Variants in CDH4 observed in about 807,000 individuals in gnomAD.
The protein encoded by CDH4 is cadherin 4.
CDH4 carries 33 observed loss-of-function variants against 86.0 expected under a neutral mutation model. The observed-to-expected ratio is 0.38, with a 90% CI of 0.29 to 0.51. The LOEUF (loss-of-function observed/expected upper bound fraction) is 0.51. Ranked by LOEUF, CDH4 falls within the 20% of genes least tolerant of loss-of-function variation. The pLI, the probability that CDH4 is intolerant of heterozygous loss-of-function variation, is 0.86. For missense variants in CDH4, 1,114 were observed against 1,307.4 expected (o/e 0.85, Z 2.28); for synonymous variants, 555 against 549.4 (o/e 1.01, Z -0.14).
intron 2 of CDH4, among the ~76,000 whole-genome samples, chr20:61,294,968 A>G (rs1305387801): frequency 6.6e-6 from 1 of 152,190 alleles, no homozygotes; most frequent in East Asian, 1.9e-4. Flanking sequence ...ACGGCTGTGG[A>G]GCTGTTGAGG....
At chr20:61,424,205 C>G (rs2085197876) in intron 2 of CDH4, among the ~76,000 whole-genome samples, 2 of 142,906 alleles carry the variant, frequency 1.4e-5, no homozygotes, top group South Asian at 4.4e-4. Flanking sequence ...CCACACGCAT[C>G]CACACACAGC....
intron 2 of CDH4, among the ~76,000 whole-genome samples, chr20:61,397,591 A>G (rs2085025418): frequency 6.6e-6 from 1 of 152,090 alleles, no homozygotes; most frequent in Non-Finnish European, 1.5e-5. Flanking sequence ...CTTTTTGTAA[A>G]TCCTGTCATT....
intron 4 of CDH4, among the ~76,000 whole-genome samples, chr20:61,785,199 C>T (rs1471124726): frequency 6.6e-6 from 1 of 152,176 alleles, no homozygotes; most frequent in Non-Finnish European, 1.5e-5. Flanking sequence ...CACACGCAGC[C>T]CTGGCCCACT....
At chr20:61,790,166 A>C (rs943812533) in intron 4 of CDH4, among the ~76,000 whole-genome samples, 3 of 150,952 alleles carry the variant, frequency 2.0e-5, no homozygotes, top group Non-Finnish European at 4.4e-5. Context: ...CCATCTACCC[A>C]TCCGTCATCC....
chr20:61,500,199 C>T (rs529773524), intron 2 of CDH4, among the ~76,000 whole-genome samples: 1 of 152,206 alleles, frequency 6.6e-6, no homozygotes, highest in Admixed American at 6.5e-5. Context: ...TTGTGTTTGT[C>T]AAATAATGGA....
At chr20:61,366,929 C>T (rs928571655) in intron 2 of CDH4, among the ~76,000 whole-genome samples, 4 of 152,176 alleles carry the variant, frequency 2.6e-5, no homozygotes, top group South Asian at 4.1e-4. Context: ...AGCATATTAA[C>T]GGGGTCATAG....
At chr20:61,492,615 ATGCTT>A (rs1483679470) in intron 2 of CDH4, among the ~76,000 whole-genome samples, 2 of 152,126 alleles carry the variant, frequency 1.3e-5, no homozygotes, top group Non-Finnish European at 2.9e-5. Flanking sequence ...AGATGGTGGC[ATGCTT>A]TGTGTCAGGC....
rs185457413 is a variant in CDH4 at position 61,674,788 on chromosome 20, C to T, written c.170-68775C>T. Among the ~76,000 whole-genome samples the T allele has an allele frequency of 1.4e-4, 22 of 152,316 alleles. No homozygotes were observed. In the East Asian group the frequency reaches 4.2e-3, roughly 29 times the overall value. ...GTGTATTTCATGCTGATTGACTGCT[C>T]AGCCCAGTTAGAACCAGCACAGCCC... On this transcript the variant is annotated intron_variant, in intron 2 of 15. Coordinates refer to ENST00000614565, the MANE Select transcript of CDH4 (RefSeq NM_001794.5).
At chr20:61,772,757 C>A (rs1022650320) in intron 3 of CDH4, among the ~76,000 whole-genome samples, 5 of 152,040 alleles carry the variant, frequency 3.3e-5, no homozygotes, top group African/African-American at 1.2e-4. Flanking sequence ...TTTATGGTTT[C>A]TTTTTCCCGC....
intron 4 of CDH4, among the ~76,000 whole-genome samples, chr20:61,781,937 A>C (rs1373599292): frequency 6.6e-6 from 1 of 152,248 alleles, no homozygotes; most frequent in East Asian, 1.9e-4. Context: ...GGCACACGCC[A>C]ACAGAACAAC....
At position 61,902,760 on chromosome 20, in the gene CDH4, T is replaced by C. The variant is rs1289435063; in HGVS notation, c.1189-7662T>C. Among the ~76,000 whole-genome samples, 4 of 151,990 alleles carry C rather than the reference T, an allele frequency of 2.6e-5. No individual in the cohort carries two copies. Among genetic ancestry groups the C allele is most frequent in the African/African-American group, 4.8e-5 (2 of 41,410 alleles). On this transcript the variant is annotated intron_variant, in intron 8 of 15. Transcript: ENST00000614565. The surrounding 1 kb of genome is among the most constrained non-coding windows in gnomAD (Gnocchi z 4.6). ...CTATAGCAAAGAGGCTACATAGGTGTCGTTTTGGGAATATTTGAAGGAGGA... is the reference window on the plus strand; with the variant it reads ...CTATAGCAAAGAGGCTACATAGGTGCCGTTTTGGGAATATTTGAAGGAGGA...
rs537346211 is a variant in CDH4 at position 61,322,977 on chromosome 20, C to A, written c.169+68040C>A. ...CAGATAGGAACACTGAGCTCTAGAA[C>A]ATTCAAGGATCCTCCCTGTCATTTC... On this transcript the variant is annotated intron_variant, in intron 2 of 15. Coordinates refer to ENST00000614565, the MANE Select transcript of CDH4 (RefSeq NM_001794.5). 5.3e-5 allele frequency among the ~76,000 whole-genome samples: 8 copies of A among 152,314 alleles called. No individual in the cohort carries two copies. In the East Asian group the frequency reaches 1.5e-3, roughly 29 times the overall value.
At chr20:61,299,900 G>A (rs527519894) in intron 2 of CDH4, among the ~76,000 whole-genome samples, 2 of 152,316 alleles carry the variant, frequency 1.3e-5, no homozygotes, top group South Asian at 4.1e-4. Flanking sequence ...GGGGCATGAC[G>A]CTTACAGGAG....
intron 2 of CDH4, among the ~76,000 whole-genome samples, chr20:61,401,860 G>A (rs6121763): frequency 0.086 from 13,129 of 152,228 alleles, 1,860 homozygotes; most frequent in African/African-American, 0.3. Context: ...GCCCATGAAA[G>A]AAGGAGAAGG....
In CDH4 at chr20:61,844,695, C is replaced by A; in HGVS notation, c.604C>A (p.Pro202Thr). 4 of 1,613,272 alleles carry A rather than the reference C, an allele frequency of 2.5e-6. No individual in the cohort carries two copies. The highest frequency in any genetic ancestry group is 2.5e-6 in the Non-Finnish European group (3 of 1,179,394). ...CCGGTCCGACAAAGACAATGACATC[C>A]CCATCCGGTACAGCATCACGGGAGT... is the stretch of plus-strand genomic sequence containing the variant. ...RIRSDKDNDI[P>T]IRYSITGVGA... The change falls in exon 5 of 16, where the codon CCC (proline) becomes ACC (threonine). Residue 202 changes from proline to threonine, a missense_variant. Pro to Thr is a conservative substitution (Grantham distance 38). This residue lies in a region of CDH4 where 705 missense variants were observed against 914.1 expected (regional missense o/e 0.77). Coordinates refer to ENST00000614565, the MANE Select transcript of CDH4 (RefSeq NM_001794.5).
intron 3 of CDH4, among the ~76,000 whole-genome samples, chr20:61,749,423 G>A (rs2145951835): frequency 6.6e-6 from 1 of 152,302 alleles, no homozygotes; most frequent in Middle Eastern, 3.4e-3. Context: ...TGATTTTTAA[G>A]TATAGACAGA....
intron 2 of CDH4, among the ~76,000 whole-genome samples, chr20:61,279,525 C>T (rs1349627004): frequency 6.6e-6 from 1 of 152,032 alleles, no homozygotes; most frequent in East Asian, 1.9e-4. Flanking sequence ...CCCACAGTCA[C>T]CCATGGGCGC....
intron 2 of CDH4, among the ~76,000 whole-genome samples, chr20:61,421,366 G>A (rs1036475646): frequency 8.5e-5 from 13 of 152,212 alleles, no homozygotes; most frequent in Admixed American, 3.9e-4. Flanking sequence ...GGAAGCTACC[G>A]AAAGGGACTC....
intron 6 of CDH4, among the ~76,000 whole-genome samples, chr20:61,853,535 T>C (rs1477617297): frequency 6.6e-6 from 1 of 151,494 alleles, no homozygotes; most frequent in Non-Finnish European, 1.5e-5. Context: ...TGCTTTTTCA[T>C]GTGTGGGGCC....
Sources: gnomAD v4.1 joint callset for allele counts (sites outside exome capture counted in the v4.1 genomes callset) on GRCh38, gnomAD v4.1.1 for gene constraint, gnomAD v4.1.1 regional missense constraint, Gnocchi (gnomAD v3.1) non-coding constraint, MANE v1.5 for transcripts, NCBI Gene and HGNC (gene_info 2026-07-23, HGNC 2026-07-21) for gene names.